Variants in MAPK10 observed in about 807,000 individuals in gnomAD.
MAPK10 encodes the protein JNK3 alpha protein kinase.
Under a neutral mutation model 59.3 loss-of-function variants are expected in MAPK10, and 25 were observed. The observed-to-expected ratio is 0.42, with a 90% confidence interval of 0.31 to 0.59. The LOEUF (loss-of-function observed/expected upper bound fraction) is 0.59, where lower values mean the gene tolerates loss of function less well. Among genes scored for constraint, MAPK10 ranks in the 20% least tolerant of loss-of-function variants. MAPK10 has a pLI of 0.15. For synonymous variants in MAPK10, 190 were observed against 200.5 expected (o/e 0.95, Z 0.44); for missense variants, 351 against 568.9 (o/e 0.62, Z 3.90).
At chr4:86,547,945 C>T (rs182329292) in intron 1 of MAPK10, among the ~76,000 whole-genome samples, 43 of 152,278 alleles carry the variant, frequency 2.8e-4, no homozygotes, top group South Asian at 2.1e-4. Flanking sequence ...CCTGTCAAAA[C>T]AGACCACTCG....
intron 1 of MAPK10, among the ~76,000 whole-genome samples, chr4:86,400,175 A>C (rs2149016660): frequency 6.6e-6 from 1 of 152,300 alleles, no homozygotes; most frequent in South Asian, 2.1e-4. Context: ...ACTTTTAATG[A>C]TATGTCTTAG....
At chr4:86,281,241 A>G (rs903289301) in intron 2 of MAPK10, among the ~76,000 whole-genome samples, 7 of 152,188 alleles carry the variant, frequency 4.6e-5, no homozygotes, top group East Asian at 1.9e-4. Flanking sequence ...ATGGTGGCTT[A>G]GGCCTGTAAT....
At chr4:86,036,827 C>T (rs924306374) in intron 11 of MAPK10, among the ~76,000 whole-genome samples, 3 of 152,138 alleles carry the variant, frequency 2.0e-5, no homozygotes, top group Non-Finnish European at 1.5e-5. Flanking sequence ...CCCTTCGCTC[C>T]TTTAAGTGTT....
intron 2 of MAPK10, among the ~76,000 whole-genome samples, chr4:86,353,735 A>T (rs188666407): frequency 6.6e-6 from 1 of 152,216 alleles, no homozygotes; most frequent in Non-Finnish European, 1.5e-5. Flanking sequence ...CCACTAGGCA[A>T]ATGAAAGAAA....
intron 2 of MAPK10, among the ~76,000 whole-genome samples, chr4:86,298,792 T>G (rs2095416119): frequency 6.6e-6 from 1 of 152,226 alleles, no homozygotes; most frequent in East Asian, 1.9e-4. Flanking sequence ...TTGTTCTTCT[T>G]TTTCCTTGTA....
intron 1 of MAPK10, among the ~76,000 whole-genome samples, chr4:86,560,655 C>G (rs1213668645): frequency 6.6e-6 from 1 of 152,226 alleles, no homozygotes; most frequent in Non-Finnish European, 1.5e-5. Context: ...AGTAGTAATA[C>G]ATTGGCAATT....
chr4:86,339,648 A>G lies in MAPK10; in HGVS notation c.-7+14882T>C, dbSNP rs578162388. 2.2e-4 allele frequency among the ~76,000 whole-genome samples: 34 copies of G among 152,322 alleles called. No homozygotes were observed. The South Asian group carries it at 4.1e-3, about 19-fold the overall frequency. On this transcript the variant is annotated intron_variant, in intron 2 of 13. Coordinates refer to ENST00000641462, the MANE Select transcript of MAPK10 (RefSeq NM_138982.4). ...ATTCTCTCACTGTAGGACCTTGGAA[A>G]TGTTGCTTAACTTCTCTGTGCCTCA...
At chr4:86,430,956 T>C (rs1031900755) in intron 1 of MAPK10, among the ~76,000 whole-genome samples, 1 of 151,916 alleles carries the variant, frequency 6.6e-6, no homozygotes. Flanking sequence ...GCTGTTTATA[T>C]GGGGAAAAAA....
chr4:86,216,093 G>C (rs1454777059), intron 2 of MAPK10, among the ~76,000 whole-genome samples: 1 of 151,914 alleles, frequency 6.6e-6, no homozygotes, highest in Non-Finnish European at 1.5e-5. Flanking sequence ...GAATTACCAT[G>C]TGATCCAGCA....
intron 4 of MAPK10, among the ~76,000 whole-genome samples, chr4:86,139,164 C>G (rs1581099197): frequency 1.4e-5 from 2 of 142,798 alleles, no homozygotes; most frequent in Non-Finnish European, 1.5e-5. Flanking sequence ...ACTTTCTTCA[C>G]AGAATTGGAA....
chr4:86,333,869 G>C (rs936535352), intron 2 of MAPK10, among the ~76,000 whole-genome samples: 1 of 152,074 alleles, frequency 6.6e-6, no homozygotes, highest in Non-Finnish European at 1.5e-5. Context: ...CACATAGTAA[G>C]TGTCATATAT....
At chr4:86,495,565 G>C (rs1347234334) in intron 1 of MAPK10, among the ~76,000 whole-genome samples, 1 of 152,114 alleles carries the variant, frequency 6.6e-6, no homozygotes, top group Non-Finnish European at 1.5e-5. Context: ...CAAACATTTA[G>C]TGTCGACATT....
intron 4 of MAPK10, among the ~76,000 whole-genome samples, chr4:86,154,654 TCTC>T (rs375442767): frequency 1.2e-3 from 177 of 152,152 alleles, no homozygotes; most frequent in African/African-American, 4.1e-3. Flanking sequence ...TGTTTTGTAC[TCTC>T]CTGAGTCCTA....
At chr4:86,126,148 A>G (rs908417463) in intron 4 of MAPK10, among the ~76,000 whole-genome samples, 1 of 152,060 alleles carries the variant, frequency 6.6e-6, no homozygotes, top group East Asian at 1.9e-4. Context: ...ACTGCCAACT[A>G]TGCATGACTC....
intron 2 of MAPK10, chr4:86,326,187 A>G (rs997447361): frequency 6.6e-6 from 1 of 152,216 alleles, no homozygotes; most frequent in Non-Finnish European, 1.5e-5. Flanking sequence ...TCAAAAGGAA[A>G]CACATGAAAG....
chr4:86,080,584 A>G (rs140640425), intron 9 of MAPK10: 2 of 152,128 alleles, frequency 1.3e-5, no homozygotes, highest in Admixed American at 1.3e-4. Context: ...AGAAAAAAAT[A>G]ATAATCTCAA....
At chr4:86,457,722 G>A (rs1379104612), upstream of MAPK10, among the ~76,000 whole-genome samples, 1 of 151,996 alleles carries the variant, frequency 6.6e-6, no homozygotes, top group Non-Finnish European at 1.5e-5. Flanking sequence ...TTGTGAAAAT[G>A]ACCATACTGC....
intron 11 of MAPK10, among the ~76,000 whole-genome samples, chr4:86,037,671 A>G (rs1006480894): frequency 6.6e-6 from 1 of 152,192 alleles, no homozygotes; most frequent in African/African-American, 2.4e-5. Flanking sequence ...TTTCAACAGC[A>G]TTATAGGATA....
At chr4:86,544,620 TA>T (rs957456235) in intron 1 of MAPK10, among the ~76,000 whole-genome samples, 2 of 152,100 alleles carry the variant, frequency 1.3e-5, no homozygotes, top group African/African-American at 4.8e-5. Flanking sequence ...ACAGAGAAAA[TA>T]AAAAAACTAG....
Sources: allele counts gnomAD v4.1 joint callset (sites outside exome capture counted in the v4.1 genomes callset), GRCh38; gene constraint gnomAD v4.1.1; transcripts MANE v1.5; gene names NCBI Gene and HGNC (gene_info 2026-07-23, HGNC 2026-07-21).